Variants in INPP4B observed in about 807,000 individuals in gnomAD.
INPP4B encodes inositol polyphosphate-4-phosphatase type II B.
INPP4B carries 55 observed loss-of-function variants against 122.5 expected under a neutral mutation model. That is an observed-to-expected ratio of 0.45 (90% CI 0.36 to 0.56). The LOEUF (loss-of-function observed/expected upper bound fraction) is 0.56, where lower values mean the gene tolerates loss of function less well. Among genes scored for constraint, INPP4B ranks in the 20% least tolerant of loss-of-function variants. The pLI is 0.00. For synonymous variants in INPP4B, 403 were observed against 388.7 expected (o/e 1.04, Z -0.43); for missense variants, 1,000 against 1,097.7 (o/e 0.91, Z 1.26).
At chr4:142,228,885 A>C (rs1852815749) in intron 12 of INPP4B, among the ~76,000 whole-genome samples, 1 of 151,722 alleles carries the variant, frequency 6.6e-6, no homozygotes, top group African/African-American at 2.4e-5. Context: ...ATTTGTAATA[A>C]ATATATAGAT....
chr4:142,746,233 A>G (rs1768725764), intron 1 of INPP4B, among the ~76,000 whole-genome samples: 1 of 152,036 alleles, frequency 6.6e-6, no homozygotes, highest in Non-Finnish European at 1.5e-5. Context: ...CTAATAATAG[A>G]CAAACAAGAG....
At chr4:142,040,632 G>C (rs761606545) in intron 25 of INPP4B, among the ~76,000 whole-genome samples, 1 of 152,126 alleles carries the variant, frequency 6.6e-6, no homozygotes, top group Non-Finnish European at 1.5e-5. Flanking sequence ...CAAAGAAATA[G>C]GTAAATAGAT....
chr4:142,582,318 G>C (rs1223526491), intron 2 of INPP4B, among the ~76,000 whole-genome samples: 3 of 152,036 alleles, frequency 2.0e-5, no homozygotes, highest in African/African-American at 7.2e-5. Flanking sequence ...ATTTATTAAA[G>C]CTGTCAAGTG....
At chr4:142,235,747 T>C (rs1856438685) in intron 12 of INPP4B, among the ~76,000 whole-genome samples, 1 of 152,232 alleles carries the variant, frequency 6.6e-6, no homozygotes, top group South Asian at 2.1e-4. Context: ...TTTTATATTG[T>C]CTATGTCTTC....
chr4:142,292,699 T>C (rs1204441090), intron 9 of INPP4B, among the ~76,000 whole-genome samples: 1 of 152,238 alleles, frequency 6.6e-6, no homozygotes, highest in South Asian at 2.1e-4. Context: ...ATGTTTATTA[T>C]GATACCTTAA....
At position 142,052,648 on chromosome 4, in the gene INPP4B, A is replaced by AAAT. The variant is rs546625311; in HGVS notation, c.2643-23737_2643-23735dup. 2.0e-3 allele frequency among the ~76,000 whole-genome samples: 306 copies of AAAT among 150,158 alleles called. 1 individual carries two copies. Among genetic ancestry groups the AAAT allele is most frequent in the African/African-American group, 7.2e-3 (297 of 41,188 alleles). The stretch of plus-strand genomic sequence containing the variant: ...GCCTTTTTTCCCATTTGGGCATTAA[A>AAAT]AATGATGGGATTTGGCAAATGGGAA... On this transcript the variant is annotated intron_variant, in intron 25 of 25. Transcript: ENST00000262992.
At chr4:142,503,899 TA>T (rs1336172911) in intron 2 of INPP4B, among the ~76,000 whole-genome samples, 1 of 152,080 alleles carries the variant, frequency 6.6e-6, no homozygotes, top group Non-Finnish European at 1.5e-5. Flanking sequence ...ACTAGGTATC[TA>T]AAAATTATTT....
At chr4:142,791,028 A>G (rs1177444201) in intron 1 of INPP4B, among the ~76,000 whole-genome samples, 9 of 152,184 alleles carry the variant, frequency 5.9e-5, no homozygotes, top group Admixed American at 5.9e-4. Flanking sequence ...TAGCATCTAT[A>G]TAAAACATAA....
At chr4:142,269,719 T>C (rs985786591) in intron 10 of INPP4B, among the ~76,000 whole-genome samples, 1 of 152,166 alleles carries the variant, frequency 6.6e-6, no homozygotes, top group Admixed American at 6.5e-5. Flanking sequence ...TTAAATGTTT[T>C]TACCACACAC....
At chr4:142,124,240 T>G (rs1797745639) in intron 19 of INPP4B, among the ~76,000 whole-genome samples, 1 of 152,156 alleles carries the variant, frequency 6.6e-6, no homozygotes, top group African/African-American at 2.4e-5. Flanking sequence ...AGTCCTAGCT[T>G]GTCACCTGGA....
At chr4:142,496,959 G>C (rs974529777) in intron 2 of INPP4B, 5 of 149,576 alleles carry the variant, frequency 3.3e-5, no homozygotes, top group African/African-American at 7.6e-5. Context: ...AAAAAAAAGG[G>C]GGGGGGAAGA....
intron 3 of INPP4B, among the ~76,000 whole-genome samples, chr4:142,431,616 G>T (rs938576895): frequency 2.6e-5 from 4 of 152,048 alleles, no homozygotes; most frequent in Non-Finnish European, 5.9e-5. Context: ...AACATGAAAG[G>T]TGTATTATTT....
intron 7 of INPP4B, among the ~76,000 whole-genome samples, chr4:142,376,240 TA>T (rs1791798692): frequency 1.3e-5 from 2 of 152,008 alleles, no homozygotes; most frequent in South Asian, 4.1e-4. Flanking sequence ...TGAAGATATA[TA>T]GTTCTTCTTC....
intron 7 of INPP4B, among the ~76,000 whole-genome samples, chr4:142,344,893 T>C (rs1427124237): frequency 6.6e-6 from 1 of 152,050 alleles, no homozygotes; most frequent in Non-Finnish European, 1.5e-5. Flanking sequence ...AGGTATAAAA[T>C]GATCCTGAAT....
In INPP4B at chr4:142,253,508, G is replaced by A. The variant is rs1041488274; in HGVS notation, c.688+6984C>T. On this transcript the variant is annotated intron_variant, in intron 11 of 25. Coordinates refer to ENST00000262992, the MANE Select transcript of INPP4B (RefSeq NM_001101669.3). ...GTCAGTGGGTGCGCGCACCATGTGC[G>A]AGCCGAAGCAGGGCGAGGCATTGCC... 3.3e-5 allele frequency among the ~76,000 whole-genome samples: 5 copies of A among 152,286 alleles called. 1 individual carries two copies. Among genetic ancestry groups the A allele is most frequent in the South Asian group, 4.2e-4 (2 of 4,818 alleles).
chr4:142,066,577 A>G (rs1237370080), intron 25 of INPP4B, among the ~76,000 whole-genome samples: 1 of 152,200 alleles, frequency 6.6e-6, no homozygotes, highest in Non-Finnish European at 1.5e-5. Context: ...CTCCTAGCAA[A>G]GGAAGCCGTG....
chr4:142,400,257 T>A (rs1292855171), intron 7 of INPP4B, among the ~76,000 whole-genome samples: 1 of 152,200 alleles, frequency 6.6e-6, no homozygotes, highest in Non-Finnish European at 1.5e-5. Flanking sequence ...CTAATTAGTA[T>A]TCAACCAATA....
chr4:142,718,607 C>A (rs533920748), intron 2 of INPP4B, among the ~76,000 whole-genome samples: 1 of 152,266 alleles, frequency 6.6e-6, no homozygotes, highest in South Asian at 2.1e-4. Context: ...TTTCTCATGG[C>A]ATAGGTAGTC....
At chr4:142,545,735 A>ATGTGTGTG (rs1491415711) in intron 2 of INPP4B, among the ~76,000 whole-genome samples, 11 of 80,246 alleles carry the variant, frequency 1.4e-4, no homozygotes, top group South Asian at 7.8e-4. Context: ...GTATATACAC[A>ATGTGTGTG]TATATGTGTA....
Sources: gnomAD v4.1 joint callset for allele counts (sites outside exome capture counted in the v4.1 genomes callset) on GRCh38, gnomAD v4.1.1 for gene constraint, MANE v1.5 for transcripts, NCBI Gene and HGNC (gene_info 2026-07-23, HGNC 2026-07-21) for gene names.